Variants in MAML2 observed in about 807,000 individuals in gnomAD.
MAML2 encodes mastermind like transcriptional coactivator 2.
A neutral mutation model predicts 96.1 loss-of-function variants in MAML2; 22 were observed. That is an observed-to-expected ratio of 0.23 (90% CI 0.16 to 0.33). The LOEUF (loss-of-function observed/expected upper bound fraction) is 0.33, where lower values mean the gene tolerates loss of function less well. Ranked by LOEUF, MAML2 falls within the 10% of genes least tolerant of loss-of-function variation. The pLI, the probability that MAML2 is intolerant of heterozygous loss-of-function variation, is 1.00. For synonymous variants in MAML2, 561 were observed against 521.3 expected, an observed-to-expected ratio of 1.08 and a Z score of -1.04; for missense variants, 1,367 against 1,392.4, an observed-to-expected ratio of 0.98 and a Z score of 0.29.
chr11:96,022,008 C>G (rs1487906014), intron 2 of MAML2, among the ~76,000 whole-genome samples: 1 of 152,076 alleles, frequency 6.6e-6, no homozygotes, highest in Non-Finnish European at 1.5e-5. Context: ...TTGAAGGATT[C>G]CTGCCATGTG....
intron 1 of MAML2, among the ~76,000 whole-genome samples, chr11:96,124,667 CTATT>C (rs1860408715): frequency 6.6e-6 from 1 of 152,040 alleles, no homozygotes; most frequent in Non-Finnish European, 1.5e-5. Flanking sequence ...ATGATTTTGT[CTATT>C]TAAACACACG....
rs1188826216 is a variant in MAML2 at position 96,093,170 on chromosome 11, A to G, written c.861T>C (p.Asn287=). ...CGTCTCCGTACCTATTAGGAAAAAT[A>G]TTCTCTTGGGTCATTTGGCCATCCA... ...KHMDGQMTQE[N]IFPNRYGDDP... Residue 287 remains asparagine (N), a synonymous_variant, in exon 2 of 5, where the codon AAT becomes AAC. Coordinates refer to ENST00000524717, the MANE Select transcript of MAML2 (RefSeq NM_032427.4). The G allele has an allele frequency of 1.2e-6, 2 of 1,613,868 alleles. No homozygotes were observed. The highest frequency in any genetic ancestry group is 3.3e-5 in the Admixed American group (2 of 60,006).
chr11:96,156,821 C>G (rs576943915), intron 1 of MAML2, among the ~76,000 whole-genome samples: 92 of 152,278 alleles, frequency 6.0e-4, no homozygotes, highest in African/African-American at 2.1e-3. Context: ...AAACCTAGGT[C>G]TCTTTATACA....
At chr11:96,053,495 C>T (rs1393182471) in intron 2 of MAML2, among the ~76,000 whole-genome samples, 1 of 152,206 alleles carries the variant, frequency 6.6e-6, no homozygotes, top group Non-Finnish European at 1.5e-5. Flanking sequence ...AGACCAGCAG[C>T]TGTTCTCTAT....
Position 96,241,178 on chromosome 11 carries a change from C to G in MAML2, c.513+100205G>C, listed in dbSNP as rs79614830. ...TCTTCAACAACTTACAGTATTTTCA[C>G]TAGTTCTGCCACACAGTAGTACCAT... is the stretch of plus-strand genomic sequence containing the variant. On this transcript the variant is annotated intron_variant, in intron 1 of 4. Transcript: ENST00000524717. Among the ~76,000 whole-genome samples, 1,075 of 152,280 alleles carry G rather than the reference C, an allele frequency of 7.1e-3. 11 individuals are homozygous for G. Among genetic ancestry groups the G allele is most frequent in the African/African-American group, 0.025 (1,027 of 41,558 alleles).
intron 2 of MAML2, among the ~76,000 whole-genome samples, chr11:96,014,464 A>G (rs752721199): frequency 6.6e-6 from 1 of 152,180 alleles, no homozygotes; most frequent in Non-Finnish European, 1.5e-5. Flanking sequence ...TAAAACTAAC[A>G]TCGGTGAACT....
chr11:96,035,718 C>T (rs1294261953), intron 2 of MAML2, among the ~76,000 whole-genome samples: 6 of 152,202 alleles, frequency 3.9e-5, no homozygotes, highest in African/African-American at 1.2e-4. Flanking sequence ...TCTAAGACTC[C>T]ACTGTATTCT....
At chr11:96,048,373 A>C (rs1187827773) in intron 2 of MAML2, among the ~76,000 whole-genome samples, 2 of 152,234 alleles carry the variant, frequency 1.3e-5, no homozygotes, top group Non-Finnish European at 1.5e-5. Context: ...GTTCATTCCC[A>C]ATGTTTATTT....
intron 1 of MAML2, among the ~76,000 whole-genome samples, chr11:96,188,618 T>C (rs1012786713): frequency 1.3e-5 from 2 of 151,796 alleles, no homozygotes; most frequent in Non-Finnish European, 2.9e-5. Context: ...AAAAATGAAC[T>C]TTATGTCCTT....
intron 1 of MAML2, among the ~76,000 whole-genome samples, chr11:96,323,420 A>G (rs922804692): frequency 6.6e-6 from 1 of 151,786 alleles, no homozygotes; most frequent in Middle Eastern, 3.2e-3. Context: ...CTTAGGAAGA[A>G]CGATCTGGTT....
chr11:96,322,832 CAAAG>C (rs1863724819), intron 1 of MAML2, among the ~76,000 whole-genome samples: 1 of 152,166 alleles, frequency 6.6e-6, no homozygotes, highest in Non-Finnish European at 1.5e-5. Flanking sequence ...AACAGACACA[CAAAG>C]AAAGGAAATG....
intron 2 of MAML2, among the ~76,000 whole-genome samples, chr11:96,089,816 A>C (rs1450553557): frequency 2.0e-5 from 3 of 151,898 alleles, no homozygotes; most frequent in Admixed American, 2.0e-4. Flanking sequence ...GAGGCCCTTA[A>C]CTTGAAATAC....
At chr11:96,135,745 G>A (rs1448455259) in intron 1 of MAML2, among the ~76,000 whole-genome samples, 1 of 151,408 alleles carries the variant, frequency 6.6e-6, no homozygotes, top group Non-Finnish European at 1.5e-5. Context: ...GCTGCTCAAG[G>A]CTGCATTCTT....
intron 1 of MAML2, among the ~76,000 whole-genome samples, chr11:96,194,748 C>CT (rs1352270290): frequency 1.3e-5 from 2 of 152,126 alleles, no homozygotes; most frequent in African/African-American, 4.8e-5. Flanking sequence ...CCACTGGCTC[C>CT]TTTCCCTTTC....
intron 1 of MAML2, among the ~76,000 whole-genome samples, chr11:96,278,503 G>C (rs1863020430): frequency 6.6e-6 from 1 of 152,192 alleles, no homozygotes; most frequent in Non-Finnish European, 1.5e-5. Flanking sequence ...GAGGTGCTAT[G>C]ATGGATTATA....
At chr11:96,114,881 G>A (rs181214700) in intron 1 of MAML2, among the ~76,000 whole-genome samples, 10 of 152,324 alleles carry the variant, frequency 6.6e-5, no homozygotes, top group Non-Finnish European at 1.2e-4. Flanking sequence ...ATAAACAGGA[G>A]TAGGGAGGGT....
At chr11:96,253,459 G>C (rs1382498322) in intron 1 of MAML2, among the ~76,000 whole-genome samples, 1 of 152,162 alleles carries the variant, frequency 6.6e-6, no homozygotes, top group Non-Finnish European at 1.5e-5. Context: ...TGTAGGACTT[G>C]TCATTTACTC....
intron 1 of MAML2, among the ~76,000 whole-genome samples, chr11:96,129,473 A>G (rs535794296): frequency 1.3e-5 from 2 of 152,220 alleles, no homozygotes; most frequent in Non-Finnish European, 2.9e-5. Flanking sequence ...TCATTACTTT[A>G]TACCCTTGGC....
At chr11:96,131,115 G>A (rs901538412) in intron 1 of MAML2, among the ~76,000 whole-genome samples, 1 of 152,004 alleles carries the variant, frequency 6.6e-6, no homozygotes, top group South Asian at 2.1e-4. Context: ...TTGGGAGAAT[G>A]GGTAAAATAT....
Sources: gnomAD v4.1 joint callset for allele counts (sites outside exome capture counted in the v4.1 genomes callset) on GRCh38, gnomAD v4.1.1 for gene constraint, MANE v1.5 for transcripts, NCBI Gene and HGNC (gene_info 2026-07-23, HGNC 2026-07-21) for gene names.